The following BSN variants were observed in gnomAD, a reference collection of about 807,000 sequenced individuals.
The protein encoded by BSN is bassoon presynaptic cytomatrix protein, also known as protein bassoon.
BSN carries 57 observed loss-of-function variants against 264.8 expected under a neutral mutation model. The ratio of observed to expected loss-of-function variants is 0.22; its 90% CI spans 0.17 to 0.27. The LOEUF is 0.27. BSN is among the 10% of genes least tolerant of loss of function. BSN has a pLI of 1.00. For missense variants in BSN, 4,615 were observed against 5,232.5 expected (o/e 0.88, Z 3.64); for synonymous variants, 2,059 against 2,137.3 (o/e 0.96, Z 1.01).
intron 2 of BSN, among the ~76,000 whole-genome samples, chr3:49,637,539 A>C (rs1262828400): frequency 6.6e-6 from 1 of 152,150 alleles, no homozygotes. Flanking sequence ...TGCTCATTCA[A>C]CTTAGAGTTC....
intron 1 of BSN, among the ~76,000 whole-genome samples, chr3:49,617,095 A>G (rs1349442358): frequency 6.6e-6 from 1 of 152,052 alleles, no homozygotes; most frequent in Non-Finnish European, 1.5e-5. Flanking sequence ...CTGTTTGTAC[A>G]TTGTTTACCT....
chr3:49,629,513 T>C (rs1373308329), intron 2 of BSN, among the ~76,000 whole-genome samples: 1 of 152,264 alleles, frequency 6.6e-6, no homozygotes, highest in Admixed American at 6.5e-5. Context: ...CCTGCTTCTA[T>C]AGGCTTCTCA....
In BSN at chr3:49,554,803, C is replaced by G; in HGVS notation, c.201C>G (p.Pro67=). Residue 67 remains proline (P), a synonymous_variant, in exon 1 of 12, where the codon CCC becomes CCG. Coordinates refer to ENST00000296452, the MANE Select transcript of BSN (RefSeq NM_003458.4). Reference sequence around the variant, plus strand: ...CGGTCCCTGGCCCCGGCCCCGGCCCCGGTCCCGGCCCTGGCCCGGGCAGGT... The same window carrying G: ...CGGTCCCTGGCCCCGGCCCCGGCCCGGGTCCCGGCCCTGGCCCGGGCAGGT... ...VPPVPGPGPG[P]GPGPGPGSTS... is the part of the protein sequence containing the mutation. 3.3e-6 allele frequency: 4 copies of G among 1,223,138 alleles called. No homozygotes were observed. Among genetic ancestry groups the G allele is most frequent in the South Asian group, 4.1e-5 (1 of 24,390 alleles). The allele number at this position is 1,223,138 out of a possible 1,614,324, so 75.8% of individuals were successfully genotyped here. A position where few individuals can be genotyped will look rare whatever the true frequency, so the allele number is the denominator to read the frequency against.
intron 1 of BSN, among the ~76,000 whole-genome samples, chr3:49,624,300 C>CTTTTTTTTTTTT (rs71080542): frequency 0.1 from 6,866 of 66,934 alleles, 1,989 homozygotes; most frequent in Middle Eastern, 0.12. Context: ...CGTGCCCAGC[C>CTTTTTTTTTTTT]TTTTTTTTTT....
At chr3:49,580,460 C>T (rs956050547) in intron 1 of BSN, among the ~76,000 whole-genome samples, 2 of 151,950 alleles carry the variant, frequency 1.3e-5, no homozygotes, top group African/African-American at 2.4e-5. Flanking sequence ...TTTTTAGGAT[C>T]TTGCTCTGTC....
In BSN at chr3:49,657,368, A is replaced by G; in HGVS notation, c.7812A>G (p.Ala2604=). The G allele has an allele frequency of 6.2e-7, 1 of 1,613,306 alleles. No homozygotes were observed. Among genetic ancestry groups the G allele is most frequent in the Non-Finnish European group, 8.5e-7 (1 of 1,180,016 alleles). The part of the protein sequence containing the change: ...SRYLLSRRRR[A]RRSADCSVQT... The stretch of plus-strand genomic sequence containing the variant: ...ACCTCTTGAGTCGGCGACGCCGGGC[A>G]CGGCGGAGTGCTGACTGCAGTGTGC... The change falls in exon 5 of 12, where the codon GCA becomes GCG. Residue 2604 remains alanine, a synonymous_variant. Transcript: ENST00000296452.
intron 1 of BSN, among the ~76,000 whole-genome samples, chr3:49,582,029 A>G (rs533124767): frequency 2.1e-4 from 32 of 152,230 alleles, no homozygotes; most frequent in Non-Finnish European, 4.7e-4. Context: ...TTCCTGGATC[A>G]TATGGTAATT....
At chr3:49,629,760 TC>T (rs2052371039) in intron 2 of BSN, among the ~76,000 whole-genome samples, 1 of 152,170 alleles carries the variant, frequency 6.6e-6, no homozygotes. Flanking sequence ...TGCCACCCCA[TC>T]CCCAGCCTTC....
chr3:49,659,390 G>A (rs957821267), intron 5 of BSN, among the ~76,000 whole-genome samples: 1 of 152,046 alleles, frequency 6.6e-6, no homozygotes, highest in African/African-American at 2.4e-5. Context: ...CAGAGTGAGG[G>A]GTTCAAAAGG....
rs1002436540 is a variant in BSN, at chr3:49,642,537, G to A, written c.903G>A (p.Arg301=). The change falls in exon 3 of 12, where the codon AGG becomes AGA. Residue 301 remains arginine, a synonymous_variant. Coordinates refer to ENST00000296452, the MANE Select transcript of BSN (RefSeq NM_003458.4). This position sits in a 1 kb window ranked among gnomAD's most constrained non-coding sequence, Gnocchi z 7.0. ...CAGCTGCCCCTCCAGAGGTGGGGAG[G>A]GTGTCTCCTCAGCCCCCTCAACCCA... is the stretch of plus-strand genomic sequence containing the variant. The part of the protein sequence containing the change: ...AQAAAPPEVG[R]VSPQPPQPTK... The A allele has an allele frequency of 1.9e-6, 3 of 1,589,702 alleles. No homozygotes were observed. The highest frequency in any genetic ancestry group is 1.1e-5 in the South Asian group (1 of 88,582).
chr3:49,590,016 T>G (rs1476462626), intron 1 of BSN, among the ~76,000 whole-genome samples: 1 of 151,966 alleles, frequency 6.6e-6, no homozygotes, highest in Non-Finnish European at 1.5e-5. Flanking sequence ...TTTTGTATTT[T>G]TAGTAGAGAC....
In BSN at chr3:49,655,921, C is replaced by G; in HGVS notation, c.6365C>G (p.Pro2122Arg). 1.2e-6 allele frequency: 2 copies of G among 1,611,776 alleles called. No homozygotes were observed. Among genetic ancestry groups the G allele is most frequent in the Non-Finnish European group, 1.7e-6 (2 of 1,179,974 alleles). ...CGGCATGGCAGTGGTGGTGGTGGCC[C>G]TGACCTTGTGCAGTACCAGCCCCAG... Reference protein sequence around the residue: ...GGRHGSGGGGPDLVQYQPQHG... With the variant: ...GGRHGSGGGGRDLVQYQPQHG... Residue 2122 changes from proline (P) to arginine (R), a missense_variant, in exon 5 of 12, where the codon CCT (proline) becomes CGT (arginine). Physicochemically the swap from Pro to Arg is moderately radical, Grantham distance 103. Transcript: ENST00000296452.
At chr3:49,568,780 ATTT>A in intron 1 of BSN, among the ~76,000 whole-genome samples, 1 of 152,324 alleles carries the variant, frequency 6.6e-6, no homozygotes, top group Middle Eastern at 3.4e-3. Flanking sequence ...GCATTTTGTA[ATTT>A]TACCAGTGTG....
At chr3:49,618,436 C>T (rs1349368622) in intron 1 of BSN, among the ~76,000 whole-genome samples, 1 of 152,218 alleles carries the variant, frequency 6.6e-6, no homozygotes, top group Non-Finnish European at 1.5e-5. Context: ...GCCTTATTCT[C>T]ACTGGTTTCC....
At position 49,652,036 on chromosome 3, in the gene BSN, C is replaced by T. The variant is rs769468248; in HGVS notation, c.2480C>T (p.Pro827Leu). The change falls in exon 5 of 12, where the codon CCA becomes CTA. Residue 827 changes from proline (P) to leucine (L), a missense_variant. By Grantham distance (98) the Pro-to-Leu change is moderately conservative. Coordinates refer to ENST00000296452, the MANE Select transcript of BSN (RefSeq NM_003458.4). The part of the protein sequence containing the change: ...DSSEGGLSPL[P>L]PQPPARAAEL... ...AGTGAGGGTGGCCTGTCCCCTCTTC[C>T]ACCCCAGCCCCCAGCCCGGGCAGCA... 6.2e-7 allele frequency: 1 copy of T among 1,610,638 alleles called. No homozygotes were observed. Among genetic ancestry groups the T allele is most frequent in the Non-Finnish European group, 8.5e-7 (1 of 1,177,584 alleles).
chr3:49,672,819 G>T (rs1320829165), downstream of BSN, among the ~76,000 whole-genome samples: 1 of 131,666 alleles, frequency 7.6e-6, no homozygotes, highest in South Asian at 2.4e-4. Context: ...TCTGGCTGTC[G>T]CCCAGGATGG....
At chr3:49,665,991 C>G (rs1013229766) in intron 11 of BSN, among the ~76,000 whole-genome samples, 4 of 152,260 alleles carry the variant, frequency 2.6e-5, no homozygotes, top group African/African-American at 9.6e-5. Context: ...TGGCCCTGGC[C>G]TTGGCCCTGC....
At chr3:49,672,025 C>CTTTTTTT (rs34710169), downstream of BSN, among the ~76,000 whole-genome samples, 1 of 100,412 alleles carries the variant, frequency 1.0e-5, no homozygotes, top group Admixed American at 1.2e-4. Context: ...GTTGCTAGAC[C>CTTTTTTT]TTTTTTTTTT....
intron 1 of BSN, among the ~76,000 whole-genome samples, chr3:49,578,410 G>GTTTT (rs35070088): frequency 3.3e-5 from 5 of 149,318 alleles, no homozygotes; most frequent in Non-Finnish European, 4.5e-5. Context: ...CAAAGCTACA[G>GTTTT]TTTTTTTTTT....
Sources: allele counts gnomAD v4.1 joint callset (sites outside exome capture counted in the v4.1 genomes callset), GRCh38; gene constraint gnomAD v4.1.1; non-coding constraint Gnocchi (gnomAD v3.1); transcripts MANE v1.5; gene names NCBI Gene and HGNC (gene_info 2026-07-23, HGNC 2026-07-21).